PI4KA: variants seen among roughly 807,000 people sequenced by gnomAD.
The protein encoded by PI4KA is PI4-kinase alpha.
A neutral mutation model predicts 271.4 loss-of-function variants in PI4KA; 122 were observed. The ratio of observed to expected loss-of-function variants is 0.45; its 90% confidence interval spans 0.39 to 0.52. The LOEUF (loss-of-function observed/expected upper bound fraction) is 0.52. Ranked by LOEUF, PI4KA falls within the 20% of genes least tolerant of loss-of-function variation. The pLI, the probability that PI4KA is intolerant of heterozygous loss-of-function variation, is 0.00. For missense variants in PI4KA, 1,969 were observed against 2,769.1 expected (o/e 0.71, Z 6.48); for synonymous variants, 1,041 against 1,078.8 (o/e 0.96, Z 0.69).
chr22:20,858,452 C>A, intron 1 of PI4KA, 118 bp downstream of exon 1: 2 of 720,190 alleles, frequency 2.8e-6, no homozygotes, highest in Non-Finnish European at 3.9e-6. Flanking sequence ...GGCGCCCCCT[C>A]CCGCACAGGC....
intron 1 of PI4KA, among the ~76,000 whole-genome samples, chr22:20,843,151 C>T (rs1424440202): frequency 6.6e-6 from 1 of 151,062 alleles, no homozygotes; most frequent in African/African-American, 2.4e-5. Context: ...TTATTATTTT[C>T]TGTATTTCCC....
intron 19 of PI4KA, among the ~76,000 whole-genome samples, chr22:20,781,876 T>C (rs187882965): frequency 1.3e-5 from 2 of 152,330 alleles, no homozygotes; most frequent in African/African-American, 2.4e-5. Flanking sequence ...TCAGTTTCCT[T>C]ATCTTTATCA....
intron 19 of PI4KA, among the ~76,000 whole-genome samples, chr22:20,766,992 C>A (rs1451953319): frequency 6.6e-6 from 1 of 152,088 alleles, no homozygotes; most frequent in Non-Finnish European, 1.5e-5. Context: ...TCTAAATATC[C>A]CCACATATTT....
chr22:20,718,564 C>T, intron 44 of PI4KA, 129 bp downstream of exon 44: 2 of 1,116,090 alleles, frequency 1.8e-6, no homozygotes, highest in Admixed American at 1.9e-5. Flanking sequence ...AGCGGCCCCG[C>T]TGCTAGAGAC....
At chr22:20,855,119 T>C (rs1252259106) in intron 1 of PI4KA, among the ~76,000 whole-genome samples, 48 of 145,296 alleles carry the variant, frequency 3.3e-4, no homozygotes, top group Non-Finnish European at 5.7e-4. Flanking sequence ...GCCACTGCAC[T>C]CCAGCCTGGG....
At chr22:20,737,910 C>T (rs1168327796) in intron 32 of PI4KA, among the ~76,000 whole-genome samples, 6 of 151,934 alleles carry the variant, frequency 3.9e-5, no homozygotes, top group South Asian at 2.1e-4. Context: ...GGATTACAGG[C>T]GTGAGCCACT....
intron 42 of PI4KA, chr22:20,721,824 G>A (rs1926768361): frequency 1.1e-5 from 2 of 185,224 alleles, no homozygotes; most frequent in Middle Eastern, 2.3e-3. Flanking sequence ...AACATGCAGA[G>A]ATACCTCCTT....
intron 43 of PI4KA, among the ~76,000 whole-genome samples, chr22:20,719,300 G>A (rs191593328): frequency 0.029 from 4,417 of 151,124 alleles, 66 homozygotes; most frequent in Middle Eastern, 0.062. Flanking sequence ...ATTAAATAGT[G>A]CCTCTCACTA....
At position 20,764,380 on chromosome 22, in the gene PI4KA, G is replaced by C. The variant is rs370453763; in HGVS notation, c.2708+437C>G. Reference sequence around the variant, plus strand: ...TGCTGTGGCCACAGATGTGTCCTGAGCATCGGGCCACATGCAGGACTGTTT... The same window carrying C: ...TGCTGTGGCCACAGATGTGTCCTGACCATCGGGCCACATGCAGGACTGTTT... On this transcript the variant is annotated intron_variant, in intron 22 of 54. Transcript: ENST00000255882. 2.4e-3 allele frequency among the ~76,000 whole-genome samples: 368 copies of C among 152,342 alleles called. 3 individuals carry two copies. Among genetic ancestry groups the C allele is most frequent in the African/African-American group, 8.6e-3 (356 of 41,574 alleles).
At chr22:20,797,841 T>A (rs551442118) in intron 17 of PI4KA, among the ~76,000 whole-genome samples, 1 of 152,146 alleles carries the variant, frequency 6.6e-6, no homozygotes, top group Admixed American at 6.5e-5. Flanking sequence ...AGCCCGGAGG[T>A]CAAGAAGAGT....
intron 29 of PI4KA, 70 bp downstream of exon 29, chr22:20,747,513 C>G (rs1192473523): frequency 1.3e-6 from 2 of 1,558,964 alleles, no homozygotes; most frequent in African/African-American, 2.7e-5. Flanking sequence ...CAGCCGAGCT[C>G]TAAGCCTTCC....
chr22:20,760,147 A>C (rs1931815212), intron 23 of PI4KA, among the ~76,000 whole-genome samples: 1 of 152,210 alleles, frequency 6.6e-6, no homozygotes, highest in South Asian at 2.1e-4. Context: ...ATTAATACTA[A>C]ATTTGTCAAT....
At chr22:20,714,396 G>A (rs1179764852) in intron 47 of PI4KA, 62 bp downstream of exon 47, 47 of 1,519,068 alleles carry the variant, frequency 3.1e-5, no homozygotes, top group Non-Finnish European at 4.1e-5. Flanking sequence ...CATGCCAGAA[G>A]AAACTGGCAT....
chr22:20,834,939 TG>T (rs1288336510), intron 2 of PI4KA, among the ~76,000 whole-genome samples: 1 of 152,212 alleles, frequency 6.6e-6, no homozygotes, highest in East Asian at 1.9e-4. Context: ...AGGCCTCTTC[TG>T]GGGGCTGGGC....
chr22:20,744,892 C>G (rs560962484), intron 29 of PI4KA, among the ~76,000 whole-genome samples, 172 bp from the exon 30 acceptor site: 1 of 152,042 alleles, frequency 6.6e-6, no homozygotes, highest in African/African-American at 2.4e-5. Context: ...GAATACCCAG[C>G]AGTTTGATAT....
chr22:20,767,936 A>AATTATTATT (rs58742158), intron 19 of PI4KA, among the ~76,000 whole-genome samples: 3,788 of 141,490 alleles, frequency 0.027, 75 homozygotes, highest in Non-Finnish European at 0.038. Context: ...CACCTGGCCT[A>AATTATTATT]ATTATTATTA....
chr22:20,835,404 T>C (rs1452784217), intron 2 of PI4KA, among the ~76,000 whole-genome samples: 1 of 152,218 alleles, frequency 6.6e-6, no homozygotes, highest in Non-Finnish European at 1.5e-5. Context: ...TTTGAAATGC[T>C]GACAAACCAC....
At chr22:20,770,055 TA>T (rs1291962066) in intron 19 of PI4KA, among the ~76,000 whole-genome samples, 1 of 152,186 alleles carries the variant, frequency 6.6e-6, no homozygotes, top group African/African-American at 2.4e-5. Context: ...TATGTATACA[TA>T]TTTTTTTTAG....
At chr22:20,770,579 GACACACACACACACACACACACAC>G (rs528696021) in intron 19 of PI4KA, among the ~76,000 whole-genome samples, 61 of 96,064 alleles carry the variant, frequency 6.3e-4, no homozygotes, top group African/African-American at 1.5e-3. Context: ...GCTGGACACG[GACACACACACACACACACACACAC>G]ACACACACAC....
Sources: gnomAD v4.1 joint callset for allele counts (sites outside exome capture counted in the v4.1 genomes callset) on GRCh38, gnomAD v4.1.1 for gene constraint, MANE v1.5 for transcripts, NCBI Gene and HGNC (gene_info 2026-07-23, HGNC 2026-07-21) for gene names.